The following HECTD4 variants were observed in gnomAD, a reference collection of about 807,000 sequenced individuals.
HECTD4 encodes HECT domain E3 ubiquitin protein ligase 4.
A neutral mutation model predicts 471.5 loss-of-function variants in HECTD4; 114 were observed. That is an observed-to-expected ratio of 0.24 (90% CI 0.21 to 0.28). The LOEUF (loss-of-function observed/expected upper bound fraction) is 0.28. HECTD4 is among the 10% of genes least tolerant of loss of function. HECTD4 has a pLI of 1.00. For missense variants in HECTD4, 3,866 were observed against 5,651.5 expected (o/e 0.68, Z 10.13); for synonymous variants, 2,012 against 2,256.0 (o/e 0.89, Z 3.07).
chr12:112,291,087 G>A (rs188825004), intron 7 of HECTD4, among the ~76,000 whole-genome samples: 79 of 151,848 alleles, frequency 5.2e-4, no homozygotes, highest in African/African-American at 1.8e-3. Flanking sequence ...CTCACAAGGT[G>A]CATTCTTTTA....
chr12:112,258,609 A>T lies in HECTD4; in HGVS notation c.3028-13T>A. ...GCAGCAACGCCGTCTGAAACACAAA[A>T]CCATCATTATGTCTTCCAGGGCTAC... On this transcript the variant is annotated splice_polypyrimidine_tract_variant and intron_variant, in intron 19 of 75. Transcript: ENST00000682272. 2 of 1,586,838 alleles carry T rather than the reference A, an allele frequency of 1.3e-6. No homozygotes were observed. Among genetic ancestry groups the T allele is most frequent in the Non-Finnish European group, 1.7e-6 (2 of 1,169,782 alleles).
At chr12:112,230,581 G>T in intron 40 of HECTD4, 106 bp downstream of exon 40, 1 of 1,380,936 alleles carries the variant, frequency 7.2e-7, no homozygotes, top group Non-Finnish European at 9.7e-7. Context: ...GGTATCTGAT[G>T]AATTTGGAAA....
Position 112,269,769 on chromosome 12 carries a change from C to G in HECTD4, c.2256G>C (p.Gln752His). 1 of 1,614,028 alleles carries G rather than the reference C, an allele frequency of 6.2e-7. No individual in the cohort carries two copies. Among genetic ancestry groups the G allele is most frequent in the Non-Finnish European group, 8.5e-7 (1 of 1,179,892 alleles). The change falls in exon 13 of 76, where the codon CAG (glutamine) becomes CAC (histidine). Residue 752 changes from glutamine (Q) to histidine (H), a missense_variant. Around this residue, in one of 16 missense-constraint regions of HECTD4, gnomAD observed 525 missense variants for 672.6 expected, o/e 0.78. Coordinates refer to ENST00000682272, the MANE Select transcript of HECTD4 (RefSeq NM_001388303.1). ...IIRRSGLLLWQLLMAPKDQIC... is the reference protein window; with the variant it reads ...IIRRSGLLLWHLLMAPKDQIC... ...TTTGATCTTTTGGAGCCATCAACAACTGCCAAAGAAGCAATCCCGACCGTC... is the reference window on the plus strand; with the variant it reads ...TTTGATCTTTTGGAGCCATCAACAAGTGCCAAAGAAGCAATCCCGACCGTC...
Position 112,265,155 on chromosome 12 carries a change from T to C in HECTD4, c.2619+20A>G. The C allele has an allele frequency of 6.3e-7, 1 of 1,580,596 alleles. No homozygotes were observed. ...GATGCTTGATATAATTTTGCTTTCA[T>C]TAAACACATTTTTACTTACAGGCAC... is the stretch of plus-strand genomic sequence containing the variant. On this transcript the variant is annotated intron_variant, in intron 16 of 75. Coordinates refer to ENST00000682272, the MANE Select transcript of HECTD4 (RefSeq NM_001388303.1).
chr12:112,382,385 C>T lies in HECTD4; in HGVS notation c.-257G>A, dbSNP rs1320186038. On this transcript the variant is annotated 5_prime_UTR_variant, in exon 1 of 76. Coordinates refer to ENST00000682272, the MANE Select transcript of HECTD4 (RefSeq NM_001388303.1). Reference sequence around the variant, plus strand: ...CCTCAGGAGCAGGATCCGCCTCTGCCGCTCGGCAACCAACTGTCAGTGAGA... The same window carrying T: ...CCTCAGGAGCAGGATCCGCCTCTGCTGCTCGGCAACCAACTGTCAGTGAGA... 2.9e-6 allele frequency: 1 copy of T among 344,962 alleles called. No homozygotes were observed. Among genetic ancestry groups the T allele is most frequent in the Non-Finnish European group, 5.1e-6 (1 of 196,264 alleles). 21.4% of individuals were successfully genotyped at this position (344,962 alleles called of 1,614,324 possible). A position where few individuals can be genotyped will look rare whatever the true frequency, so the allele number is the denominator to read the frequency against.
At chr12:112,206,235 C>T (rs1359216773) in intron 52 of HECTD4, among the ~76,000 whole-genome samples, 5 of 152,212 alleles carry the variant, frequency 3.3e-5, no homozygotes, top group South Asian at 2.1e-4. Context: ...GTGGCTCACA[C>T]CTGTAATCCC....
chr12:112,332,064 GGGAGC>G (rs911466772), intron 1 of HECTD4, among the ~76,000 whole-genome samples: 2 of 152,038 alleles, frequency 1.3e-5, no homozygotes, highest in African/African-American at 4.8e-5. Context: ...GGTGGGAAGG[GGGAGC>G]TGTCTTCCTA....
intron 72 of HECTD4, among the ~76,000 whole-genome samples, chr12:112,165,110 G>A (rs1353328255): frequency 6.7e-6 from 1 of 148,716 alleles, no homozygotes; most frequent in Non-Finnish European, 1.5e-5. Flanking sequence ...TAGTAGAGAC[G>A]GGGTTTCACC....
intron 1 of HECTD4, among the ~76,000 whole-genome samples, chr12:112,379,036 C>A (rs990389931): frequency 6.6e-6 from 1 of 150,566 alleles, no homozygotes. Flanking sequence ...AGCAAGACTC[C>A]GTCTCAAAAA....
chr12:112,287,398 T>C (rs2034775619), intron 7 of HECTD4, among the ~76,000 whole-genome samples: 1 of 152,108 alleles, frequency 6.6e-6, no homozygotes, highest in Admixed American at 6.6e-5. Context: ...ATCTGGATCA[T>C]AACTGGAAGG....
chr12:112,184,338 G>A lies in HECTD4; in HGVS notation c.10628C>T (p.Thr3543Ile). The A allele has an allele frequency of 1.9e-6, 3 of 1,613,030 alleles. No homozygotes were observed. The highest frequency in any genetic ancestry group is 2.5e-6 in the Non-Finnish European group (3 of 1,179,782). The change falls in exon 61 of 76, where the codon ACC becomes ATC. Residue 3543 changes from threonine to isoleucine, a missense_variant. Around this residue, in one of 16 missense-constraint regions of HECTD4, gnomAD observed 192 missense variants for 189.9 expected, o/e 1.01. Coordinates refer to ENST00000682272, the MANE Select transcript of HECTD4 (RefSeq NM_001388303.1). This position sits in a 1 kb window ranked among gnomAD's most constrained non-coding sequence, Gnocchi z 9.1. The stretch of plus-strand genomic sequence containing the variant: ...GCTGCCCAGGCTGCCCAGGCTGCCG[G>A]TGCTGCACAGGGAAATGTCCAGGCT... Reference protein sequence around the residue: ...QESLDISLCSTGSLGSLGSLG... With the variant: ...QESLDISLCSIGSLGSLGSLG...
chr12:112,309,677 C>A lies in HECTD4; in HGVS notation c.917-8G>T, dbSNP rs533124005. 2.9e-6 allele frequency: 4 copies of A among 1,358,926 alleles called. No homozygotes were observed. The highest frequency in any genetic ancestry group is 2.5e-5 in the East Asian group (1 of 39,826). The allele number at this position is 1,358,926 out of a possible 1,614,324, so 84.2% of individuals were successfully genotyped here. A position where few individuals can be genotyped will look rare whatever the true frequency, so the allele number is the denominator to read the frequency against. On this transcript the variant is annotated splice_region_variant and splice_polypyrimidine_tract_variant and intron_variant, in intron 4 of 75. Transcript: ENST00000682272. ...AGCGTCCCAAGTCAGCATCTGAAAT[C>A]GTTTTTTCACAGGTAAATTATATAT...
At chr12:112,370,064 C>T (rs751136607) in intron 1 of HECTD4, among the ~76,000 whole-genome samples, 7 of 151,904 alleles carry the variant, frequency 4.6e-5, no homozygotes, top group Non-Finnish European at 7.4e-5. Flanking sequence ...TCTGGGTGGG[C>T]CCTAAATGTA....
intron 1 of HECTD4, among the ~76,000 whole-genome samples, chr12:112,369,197 A>G (rs773596212): frequency 2.6e-5 from 4 of 152,208 alleles, no homozygotes; most frequent in Non-Finnish European, 4.4e-5. Context: ...AAGTGAACTC[A>G]TAAGAGCTGG....
At chr12:112,165,559 G>C (rs2030913998) in intron 72 of HECTD4, among the ~76,000 whole-genome samples, 1 of 151,856 alleles carries the variant, frequency 6.6e-6, no homozygotes, top group Non-Finnish European at 1.5e-5. Context: ...CACTGTGTTA[G>C]CCAGGATGGT....
At chr12:112,236,780 C>T (rs1355482728) in intron 35 of HECTD4, among the ~76,000 whole-genome samples, 165 bp downstream of exon 35, 1 of 152,196 alleles carries the variant, frequency 6.6e-6, no homozygotes, top group East Asian at 1.9e-4. Context: ...GAACTAAATA[C>T]TATGTTTCAA....
At chr12:112,337,771 G>A (rs2035984944) in intron 1 of HECTD4, among the ~76,000 whole-genome samples, 1 of 152,016 alleles carries the variant, frequency 6.6e-6, no homozygotes, top group African/African-American at 2.4e-5. Context: ...ATTATTTCTT[G>A]TTTTTGCATT....
chr12:112,276,751 C>A (rs1289012246), intron 9 of HECTD4, among the ~76,000 whole-genome samples: 4 of 152,082 alleles, frequency 2.6e-5, no homozygotes, highest in African/African-American at 9.7e-5. Flanking sequence ...GCCAAAAAAC[C>A]CAATCTTTAA....
chr12:112,300,219 G>A (rs1417539683), intron 7 of HECTD4, among the ~76,000 whole-genome samples: 1 of 149,890 alleles, frequency 6.7e-6, no homozygotes, highest in Non-Finnish European at 1.5e-5. Flanking sequence ...TGAAGCAGGA[G>A]AATCGCTTCA....
Sources: allele counts gnomAD v4.1 joint callset (sites outside exome capture counted in the v4.1 genomes callset), GRCh38; gene constraint gnomAD v4.1.1; regional missense constraint gnomAD v4.1.1; non-coding constraint Gnocchi (gnomAD v3.1); transcripts MANE v1.5; gene names NCBI Gene and HGNC (gene_info 2026-07-23, HGNC 2026-07-21).